The following HHAT variants were observed in gnomAD, a reference collection of about 807,000 sequenced individuals.
HHAT encodes hedgehog acyltransferase.
Under a neutral mutation model 70.8 loss-of-function variants are expected in HHAT, and 47 were observed. The observed-to-expected ratio is 0.66, with a 90% CI of 0.53 to 0.85. HHAT has a LOEUF of 0.85. HHAT is among the 40% of genes least tolerant of loss of function. The pLI is 0.00. For missense variants in HHAT, 609 were observed against 604.8 expected (o/e 1.01, Z -0.07); for synonymous variants, 228 against 247.6 (o/e 0.92, Z 0.74).
At position 210,437,127 on chromosome 1, in the gene HHAT, G is replaced by C. The variant is rs186743831; in HGVS notation, c.856+18802G>C. 7.2e-5 allele frequency among the ~76,000 whole-genome samples: 11 copies of C among 151,932 alleles called. No homozygotes were observed. The East Asian group carries it at 1.9e-3, about 27-fold the overall frequency. On this transcript the variant is annotated intron_variant, in intron 7 of 11. Transcript: ENST00000261458. ...GCACCATATGGAGTTTGCTGGCTCA[G>C]AGCACATTCTGTATCCCGTGGGATA...
chr1:210,372,349 C>T (rs1448843827), intron 3 of HHAT, among the ~76,000 whole-genome samples: 2 of 152,190 alleles, frequency 1.3e-5, no homozygotes, highest in Non-Finnish European at 2.9e-5. Flanking sequence ...ATGTTTTGAA[C>T]TGACCCAAGC....
intron 9 of HHAT, among the ~76,000 whole-genome samples, chr1:210,522,108 T>C (rs2095167593): frequency 6.6e-6 from 1 of 152,252 alleles, no homozygotes; most frequent in African/African-American, 2.4e-5. Flanking sequence ...TAAACAGTTT[T>C]TAATAGTGAT....
chr1:210,481,733 G>T (rs1032596343), intron 8 of HHAT, among the ~76,000 whole-genome samples: 6 of 152,182 alleles, frequency 3.9e-5, no homozygotes, highest in Non-Finnish European at 8.8e-5. Flanking sequence ...TGATTTTAAG[G>T]TTACAAATAA....
At chr1:210,534,773 G>A (rs760346703) in intron 9 of HHAT, among the ~76,000 whole-genome samples, 21 of 152,262 alleles carry the variant, frequency 1.4e-4, no homozygotes, top group Non-Finnish European at 2.8e-4. Context: ...GAGCTCAAAC[G>A]TTTCAAATTT....
At chr1:210,594,925 G>A (rs1055312594) in intron 10 of HHAT, among the ~76,000 whole-genome samples, 2 of 151,688 alleles carry the variant, frequency 1.3e-5, no homozygotes, top group African/African-American at 4.8e-5. Flanking sequence ...GAGCTGCAAT[G>A]TATGTTATTT....
At chr1:210,339,102 A>G (rs2085770683) in intron 1 of HHAT, among the ~76,000 whole-genome samples, 1 of 152,188 alleles carries the variant, frequency 6.6e-6, no homozygotes, top group Admixed American at 6.5e-5. Flanking sequence ...TCTGCCTTGT[A>G]ATGTTACTGG....
At chr1:210,575,062 C>T (rs1055635315) in intron 9 of HHAT, among the ~76,000 whole-genome samples, 2 of 152,022 alleles carry the variant, frequency 1.3e-5, no homozygotes, top group African/African-American at 2.4e-5. Flanking sequence ...TAATTTTGAT[C>T]CCTGGATTTG....
At chr1:210,673,766 T>TTTA (rs1241806354) in intron 11 of HHAT, among the ~76,000 whole-genome samples, 138 of 8,230 alleles carry the variant, frequency 0.017, 1 homozygote, top group African/African-American at 0.14. Context: ...TTATTTATTA[T>TTTA]TTATTTATTT....
intron 8 of HHAT, among the ~76,000 whole-genome samples, chr1:210,496,010 C>CAAAAAAAAAAAAAAAAA (rs10639399): frequency 2.2e-4 from 15 of 67,928 alleles, no homozygotes; most frequent in African/African-American, 2.7e-4. Context: ...AACTCTATCT[C>CAAAAAAAAAAAAAAAAA]AAAAAAAAAA....
intron 8 of HHAT, among the ~76,000 whole-genome samples, chr1:210,475,609 CTTTCTT>C (rs1017336082): frequency 2.0e-5 from 3 of 152,188 alleles, no homozygotes; most frequent in African/African-American, 7.2e-5. Context: ...TCTTCTTTCT[CTTTCTT>C]TTTCTTCCCA....
rs1679260056 is a variant in HHAT, at chr1:210,667,914, G to A, written c.1391-6374G>A. ...TTATGCAGTCATCACCATCCGTCTC[G>A]AGTTTTTTTCGTCTTGCAAAACTGA... On this transcript the variant is annotated intron_variant, in intron 11 of 11. Coordinates refer to ENST00000261458, the MANE Select transcript of HHAT (RefSeq NM_018194.6). 1.3e-5 allele frequency among the ~76,000 whole-genome samples: 2 copies of A among 152,112 alleles called. 1 individual carries two copies. Among genetic ancestry groups the A allele is most frequent in the Non-Finnish European group, 2.9e-5 (2 of 68,000 alleles).
intron 3 of HHAT, among the ~76,000 whole-genome samples, chr1:210,372,295 C>A (rs2089637307): frequency 6.6e-6 from 1 of 152,144 alleles, no homozygotes; most frequent in African/African-American, 2.4e-5. Flanking sequence ...AGAGAAGACT[C>A]TCTGGAATAG....
intron 11 of HHAT, among the ~76,000 whole-genome samples, chr1:210,650,745 C>A (rs1674966031): frequency 6.6e-6 from 1 of 152,144 alleles, no homozygotes; most frequent in Non-Finnish European, 1.5e-5. Context: ...TTAGACAAGA[C>A]AAGCTTTGGA....
At chr1:210,465,131 G>C (rs2094073061) in intron 8 of HHAT, among the ~76,000 whole-genome samples, 1 of 152,148 alleles carries the variant, frequency 6.6e-6, no homozygotes, top group South Asian at 2.1e-4. Flanking sequence ...CCTGTCTCCA[G>C]GAGTTGTTTT....
chr1:210,626,226 C>G (rs928298999), intron 11 of HHAT, among the ~76,000 whole-genome samples: 5 of 152,164 alleles, frequency 3.3e-5, no homozygotes, highest in Non-Finnish European at 7.3e-5. Context: ...GCAGGAAGAT[C>G]AAAGTGTGAC....
At chr1:210,435,596 A>G (rs1255194079) in intron 7 of HHAT, among the ~76,000 whole-genome samples, 1 of 151,756 alleles carries the variant, frequency 6.6e-6, no homozygotes, top group Non-Finnish European at 1.5e-5. Flanking sequence ...CCAACAGTGT[A>G]TGAGGTTTCT....
At chr1:210,421,902 T>C (rs960509179) in intron 7 of HHAT, among the ~76,000 whole-genome samples, 2 of 152,226 alleles carry the variant, frequency 1.3e-5, no homozygotes, top group Admixed American at 1.3e-4. Flanking sequence ...GTTTGACTTC[T>C]AATGTTTTTA....
intron 7 of HHAT, among the ~76,000 whole-genome samples, chr1:210,432,042 T>C (rs1276443809): frequency 1.3e-5 from 2 of 151,896 alleles, no homozygotes; most frequent in Non-Finnish European, 2.9e-5. Flanking sequence ...GATATCATTA[T>C]TAATAGTTTC....
intron 10 of HHAT, among the ~76,000 whole-genome samples, chr1:210,607,846 C>G (rs565866646): frequency 3.3e-5 from 5 of 152,200 alleles, no homozygotes; most frequent in African/African-American, 1.2e-4. Flanking sequence ...ATACCCACCC[C>G]CTAACAACCA....
Sources: allele counts gnomAD v4.1 joint callset (sites outside exome capture counted in the v4.1 genomes callset), GRCh38; gene constraint gnomAD v4.1.1; transcripts MANE v1.5; gene names NCBI Gene and HGNC (gene_info 2026-07-23, HGNC 2026-07-21).